Variants in RIMS4 observed in about 807,000 individuals in gnomAD.
RIMS4 encodes regulating synaptic membrane exocytosis protein 4.
Under a neutral mutation model 29.0 loss-of-function variants are expected in RIMS4, and 9 were observed. That is an observed-to-expected ratio of 0.31 (90% CI 0.19 to 0.54). The LOEUF (loss-of-function observed/expected upper bound fraction) is 0.54, where lower values mean the gene tolerates loss of function less well. Ranked by LOEUF, RIMS4 falls within the 20% of genes least tolerant of loss-of-function variation. The probability of loss-of-function intolerance (pLI) is 0.94; values close to 1 mark genes in which losing one functional copy is unlikely to be tolerated. For missense variants in RIMS4, 193 were observed against 365.7 expected (o/e 0.53, Z 3.85); for synonymous variants, 130 against 152.9 (o/e 0.85, Z 1.10).
chr20:44,794,603 AAATTT>A (rs1348672200), intron 1 of RIMS4, among the ~76,000 whole-genome samples: 1 of 152,274 alleles, frequency 6.6e-6, no homozygotes, highest in East Asian at 1.9e-4. Context: ...TGAAGATTAC[AAATTT>A]AATAATGTAA....
intron 1 of RIMS4, among the ~76,000 whole-genome samples, chr20:44,777,569 C>T (rs1370675536): frequency 6.6e-6 from 1 of 152,086 alleles, no homozygotes; most frequent in Non-Finnish European, 1.5e-5. Flanking sequence ...CAAGGTTATA[C>T]CAGATAAGAC....
Position 44,810,443 on chromosome 20 carries a change from G to GGCGGGCCAGGAGCTGGCGGCGC in RIMS4, c.-194_-173dup, listed in dbSNP as rs2066320029. On this transcript the variant is annotated 5_prime_UTR_variant, in exon 1 of 6. Transcript: ENST00000372851. ...GCTGGCGGGCGCGGCGGGGCCGGCG[G>GGCGGGCCAGGAGCTGGCGGCGC]GCGGGCCAGGAGCTGGCGGCGCGCG... 4.1e-5 allele frequency: 6 copies of GGCGGGCCAGGAGCTGGCGGCGC among 146,054 alleles called. No individual in the cohort carries two copies. In the South Asian group the frequency reaches 1.1e-3, roughly 27 times the overall value. 9.0% of individuals were successfully genotyped at this position (146,054 alleles called of 1,614,324 possible). A position where few individuals can be genotyped will look rare whatever the true frequency, so the allele number is the denominator to read the frequency against.
intron 1 of RIMS4, among the ~76,000 whole-genome samples, chr20:44,781,142 A>G (rs752496079): frequency 3.9e-5 from 6 of 152,184 alleles, no homozygotes; most frequent in African/African-American, 9.7e-5. Context: ...CATGAAACAG[A>G]TAAGTAATTA....
Position 44,766,883 on chromosome 20 carries a change from CTA to C in RIMS4, c.236+4390_236+4391del, listed in dbSNP as rs1250875229. The stretch of plus-strand genomic sequence containing the variant: ...GAAGAGCTTCTCTAGCCTCAAGAGC[CTA>C]TGTTACCACAGGAAGAGCCAGAGTT... On this transcript the variant is annotated intron_variant, in intron 2 of 5. Transcript: ENST00000372851. Among the ~76,000 whole-genome samples, 5 of 152,302 alleles carry C rather than the reference CTA, an allele frequency of 3.3e-5. No individual in the cohort carries two copies. The South Asian group carries it at 1.0e-3, about 32-fold the overall frequency.
At position 44,810,453 on chromosome 20, in the gene RIMS4, G is replaced by C. The variant is rs2066320091; in HGVS notation, c.-182C>G. ...GCGGCGGGGCCGGCGGGCGGGCCAGGAGCTGGCGGCGCGCGGAGCCCGAGG... is the reference window on the plus strand; with the variant it reads ...GCGGCGGGGCCGGCGGGCGGGCCAGCAGCTGGCGGCGCGCGGAGCCCGAGG... On this transcript the variant is annotated 5_prime_UTR_variant, in exon 1 of 6. Transcript: ENST00000372851. 6.9e-6 allele frequency: 1 copy of C among 145,204 alleles called. No individual in the cohort carries two copies. Among genetic ancestry groups the C allele is most frequent in the African/African-American group, 2.5e-5 (1 of 40,136 alleles). The allele number at this position is 145,204 out of a possible 1,614,324, so 9.0% of individuals were successfully genotyped here.
At chr20:44,776,441 A>C (rs1232162350) in intron 1 of RIMS4, among the ~76,000 whole-genome samples, 1 of 152,186 alleles carries the variant, frequency 6.6e-6, no homozygotes, top group Non-Finnish European at 1.5e-5. Flanking sequence ...TCAGTGCTCC[A>C]TCCTGAGAAA....
chr20:44,801,849 G>A (rs1555300), intron 1 of RIMS4, among the ~76,000 whole-genome samples: 65,551 of 151,992 alleles, frequency 0.43, 14,981 homozygotes, highest in African/African-American at 0.57. Context: ...TTGGTACCCA[G>A]TGTCCCAGCA....
At chr20:44,799,461 C>T (rs934894103) in intron 1 of RIMS4, among the ~76,000 whole-genome samples, 3 of 152,126 alleles carry the variant, frequency 2.0e-5, no homozygotes, top group Non-Finnish European at 2.9e-5. Flanking sequence ...GGGGGTGGCT[C>T]GGCCAGGGCT....
Position 44,758,098 on chromosome 20 carries a change from C to G in RIMS4, c.323G>C (p.Arg108Pro), listed in dbSNP as rs1298980566. 1 of 1,611,632 alleles carries G rather than the reference C, an allele frequency of 6.2e-7. No homozygotes were observed. The highest frequency in any genetic ancestry group is 8.5e-7 in the Non-Finnish European group (1 of 1,178,546). ...CATGGGTGTGGTGGCCAGGGTCTGGCGGCCCACAAACTGTGCCGGCCCCAT... is the reference window on the plus strand; with the variant it reads ...CATGGGTGTGGTGGCCAGGGTCTGGGGGCCCACAAACTGTGCCGGCCCCAT... ...GSMGPAQFVG[R>P]QTLATTPMGD... Residue 108 changes from arginine to proline, a missense_variant, in exon 3 of 6, where the codon CGC becomes CCC. Physicochemically the swap from Arg to Pro is moderately radical, Grantham distance 103. Transcript: ENST00000372851.
intron 1 of RIMS4, among the ~76,000 whole-genome samples, chr20:44,783,741 C>G (rs558924381): frequency 1.3e-5 from 2 of 152,320 alleles, no homozygotes; most frequent in South Asian, 4.2e-4. Flanking sequence ...ATCATCTCTT[C>G]TATGACTCTA....
In RIMS4 at chr20:44,756,779, T is replaced by G; in HGVS notation, c.591+119A>C. The G allele has an allele frequency of 1.1e-6, 1 of 901,916 alleles. No individual in the cohort carries two copies. The highest frequency in any genetic ancestry group is 1.6e-6 in the Non-Finnish European group (1 of 612,808). The allele number at this position is 901,916 out of a possible 1,614,324, so 55.9% of individuals were successfully genotyped here. Reference sequence around the variant, plus strand: ...CACAGTGAACTGAGGGCCTCGCCTGTTTCCTCCAGGCGAGGCCCTCCAGAG... The same window carrying G: ...CACAGTGAACTGAGGGCCTCGCCTGGTTCCTCCAGGCGAGGCCCTCCAGAG... On this transcript the variant is annotated intron_variant, in intron 5 of 5. Transcript: ENST00000372851. The surrounding 1 kb of genome is among the most constrained non-coding windows in gnomAD (Gnocchi z 5.9).
At chr20:44,790,397 G>A (rs2066227887) in intron 1 of RIMS4, among the ~76,000 whole-genome samples, 1 of 152,100 alleles carries the variant, frequency 6.6e-6, no homozygotes, top group African/African-American at 2.4e-5. Context: ...CCTCCTCCCA[G>A]GCTACCTCCT....
At position 44,810,275 on chromosome 20, in the gene RIMS4, C is replaced by A; in HGVS notation, c.-4G>T. ...GGCGGCTCTGCGAGCGCTCCATGCCCGCGCCGGCGCCGGGCGCCTCGGCCG... is the reference window on the plus strand; with the variant it reads ...GGCGGCTCTGCGAGCGCTCCATGCCAGCGCCGGCGCCGGGCGCCTCGGCCG... On this transcript the variant is annotated 5_prime_UTR_variant, in exon 1 of 6. Coordinates refer to ENST00000372851, the MANE Select transcript of RIMS4 (RefSeq NM_182970.4). The A allele has an allele frequency of 8.5e-7, 1 of 1,174,718 alleles. No homozygotes were observed. The highest frequency in any genetic ancestry group is 4.9e-5 in the East Asian group (1 of 20,614). The allele number at this position is 1,174,718 out of a possible 1,614,324, so 72.8% of individuals were successfully genotyped here.
At chr20:44,783,648 A>G (rs113325465) in intron 1 of RIMS4, among the ~76,000 whole-genome samples, 3 of 152,130 alleles carry the variant, frequency 2.0e-5, no homozygotes, top group African/African-American at 7.2e-5. Context: ...AAAACAAAAA[A>G]AAAACAACAA....
intron 1 of RIMS4, among the ~76,000 whole-genome samples, chr20:44,775,011 A>G (rs956191893): frequency 6.6e-6 from 1 of 151,898 alleles, no homozygotes; most frequent in Non-Finnish European, 1.5e-5. Context: ...TTACTAAACC[A>G]TTCTCTAGTG....
At chr20:44,765,316 A>ACTGAATC (rs1238806684) in intron 2 of RIMS4, among the ~76,000 whole-genome samples, 1 of 152,130 alleles carries the variant, frequency 6.6e-6, no homozygotes. Context: ...CAGGCCTGGA[A>ACTGAATC]CTGAATCCTG....
At chr20:44,757,124 CTGCTGGAGA>C in intron 4 of RIMS4, 87 bp from the exon 5 acceptor site, 1 of 1,444,920 alleles carries the variant, frequency 6.9e-7, no homozygotes, top group Non-Finnish European at 9.5e-7. Flanking sequence ...TGCCCACCCT[CTGCTGGAGA>C]TAGGTGTGCC....
chr20:44,784,574 T>G (rs1232296891), intron 1 of RIMS4, among the ~76,000 whole-genome samples: 2 of 152,186 alleles, frequency 1.3e-5, no homozygotes, highest in Non-Finnish European at 2.9e-5. Context: ...TTAAAATCCG[T>G]CTCTCTCCAG....
rs1015585630 is a variant in RIMS4, at chr20:44,757,051, C to A, written c.452-14G>T. Reference sequence around the variant, plus strand: ...TGATGTAGGCCGCTGGGGATAGAGGCCAGCAGGGGTGAGTTCTAGTTTGGC... The same window carrying A: ...TGATGTAGGCCGCTGGGGATAGAGGACAGCAGGGGTGAGTTCTAGTTTGGC... On this transcript the variant is annotated splice_polypyrimidine_tract_variant and intron_variant, in intron 4 of 5. Transcript: ENST00000372851. 1 of 1,611,482 alleles carries A rather than the reference C, an allele frequency of 6.2e-7. No individual in the cohort carries two copies. Among genetic ancestry groups the A allele is most frequent in the Non-Finnish European group, 8.5e-7 (1 of 1,178,470 alleles).
Sources: gnomAD v4.1 joint callset for allele counts (sites outside exome capture counted in the v4.1 genomes callset) on GRCh38, gnomAD v4.1.1 for gene constraint, Gnocchi (gnomAD v3.1) non-coding constraint, MANE v1.5 for transcripts, NCBI Gene and HGNC (gene_info 2026-07-23, HGNC 2026-07-21) for gene names.